ESRRG: variants seen among roughly 807,000 people sequenced by gnomAD.
ESRRG encodes estrogen related receptor gamma, also known as estrogen-related receptor gamma.
ESRRG carries 13 observed loss-of-function variants against 44.0 expected under a neutral mutation model. The observed-to-expected ratio is 0.30, with a 90% CI of 0.19 to 0.47. The LOEUF is 0.47. ESRRG is among the 20% of genes least tolerant of loss of function. The probability of loss-of-function intolerance (pLI) is 1.00; values close to 1 mark genes in which losing one functional copy is unlikely to be tolerated. For synonymous variants in ESRRG, 215 were observed against 214.6 expected (o/e 1.00, Z -0.02); for missense variants, 395 against 580.6 (o/e 0.68, Z 3.29).
intron 1 of ESRRG, among the ~76,000 whole-genome samples, chr1:216,703,021 C>T (rs879234926): frequency 6.6e-6 from 1 of 151,962 alleles, no homozygotes. Context: ...TGAATACAAA[C>T]CAATCAAGGC....
At chr1:216,679,385 C>T (rs1418827388) in intron 1 of ESRRG, among the ~76,000 whole-genome samples, 1 of 152,182 alleles carries the variant, frequency 6.6e-6, no homozygotes, top group Non-Finnish European at 1.5e-5. Flanking sequence ...TCGGCACTGA[C>T]TTACAGCAGC....
chr1:216,745,394 T>C (rs1576057793), intron 2 of ESRRG, among the ~76,000 whole-genome samples: 1 of 152,300 alleles, frequency 6.6e-6, no homozygotes, highest in Non-Finnish European at 1.5e-5. Context: ...TCTTGCTATG[T>C]TGCCCAGGCT....
chr1:216,941,265 T>G lies in ESRRG; in HGVS notation c.-105-1592A>C, dbSNP rs142056717. On this transcript the variant is annotated intron_variant, in intron 1 of 7. Coordinates refer to the ESRRG transcript ENST00000359162. Reference sequence around the variant, plus strand: ...GAAGACCTAATTTAGGTTGTTGCTTTTTTAAAAAGAAAGCACAGGACTCAG... The same window carrying G: ...GAAGACCTAATTTAGGTTGTTGCTTGTTTAAAAAGAAAGCACAGGACTCAG... 3.9e-4 allele frequency among the ~76,000 whole-genome samples: 60 copies of G among 152,252 alleles called. No homozygotes were observed. In the East Asian group the frequency reaches 0.011, roughly 27 times the overall value.
At chr1:216,533,496 T>C (rs191121468) in intron 5 of ESRRG, among the ~76,000 whole-genome samples, 5 of 152,168 alleles carry the variant, frequency 3.3e-5, no homozygotes, top group African/African-American at 1.2e-4. Flanking sequence ...ATTTAATGTG[T>C]AGAGATGAAC....
chr1:217,080,671 G>GTTTTTTTTTT (rs34598045), intron 1 of ESRRG, among the ~76,000 whole-genome samples: 3 of 65,244 alleles, frequency 4.6e-5, no homozygotes, highest in African/African-American at 1.9e-4. Context: ...TGTTTTTTTG[G>GTTTTTTTTTT]TTTTTTTTTT....
At chr1:216,647,609 A>G (rs1271776059) in intron 3 of ESRRG, among the ~76,000 whole-genome samples, 1 of 152,160 alleles carries the variant, frequency 6.6e-6, no homozygotes, top group East Asian at 1.9e-4. Flanking sequence ...ATGTGATGAA[A>G]CTGGAATTGT....
intron 2 of ESRRG, among the ~76,000 whole-genome samples, chr1:216,791,353 T>C (rs750576974): frequency 2.4e-4 from 36 of 152,072 alleles, no homozygotes; most frequent in Non-Finnish European, 4.0e-4. Context: ...CCCCTTTGCC[T>C]TCTGCCATGA....
At chr1:216,633,080 T>C (rs2064565515) in intron 3 of ESRRG, among the ~76,000 whole-genome samples, 1 of 152,174 alleles carries the variant, frequency 6.6e-6, no homozygotes. Flanking sequence ...CTGAAAGTCA[T>C]TGTCACCACC....
In ESRRG at chr1:216,622,782, T is replaced by C. The variant is rs150396226; in HGVS notation, c.589+28191A>G. Among the ~76,000 whole-genome samples the C allele has an allele frequency of 4.5e-4, 69 of 152,314 alleles. 3 individuals carry two copies. The East Asian group carries it at 0.012, about 26-fold the overall frequency. Reference sequence around the variant, plus strand: ...GTATCAACCACTCTGGTTACACATTTCTTTATCAAAATACTCTACATTAAT... The same window carrying C: ...GTATCAACCACTCTGGTTACACATTCCTTTATCAAAATACTCTACATTAAT... On this transcript the variant is annotated intron_variant, in intron 3 of 6. Coordinates refer to ENST00000408911, the MANE Select transcript of ESRRG (RefSeq NM_001438.4).
chr1:216,840,239 C>A (rs943838240), intron 2 of ESRRG, among the ~76,000 whole-genome samples: 22 of 152,202 alleles, frequency 1.4e-4, no homozygotes, highest in Non-Finnish European at 2.1e-4. Flanking sequence ...CCTGCTGCTT[C>A]ACCTTCCACT....
intron 2 of ESRRG, among the ~76,000 whole-genome samples, chr1:216,769,518 G>C (rs1365104803): frequency 6.6e-6 from 1 of 152,110 alleles, no homozygotes; most frequent in Non-Finnish European, 1.5e-5. Context: ...TACAGGTCTT[G>C]GTGAGCCATG....
At position 216,546,948 on chromosome 1, in the gene ESRRG, C is replaced by T. The variant is rs182458274; in HGVS notation, c.862+17271G>A. Among the ~76,000 whole-genome samples the T allele has an allele frequency of 1.9e-3, 292 of 151,996 alleles. 5 individuals carry two copies. The highest frequency in any genetic ancestry group is 0.016 in the Admixed American group (249 of 15,234). On this transcript the variant is annotated intron_variant, in intron 5 of 6. Transcript: ENST00000408911. Reference sequence around the variant, plus strand: ...TTAGGTATTTCTCCTAATGCTACCCCTCCCCTAGCCCCCCATCCCCTGACA... The same window carrying T: ...TTAGGTATTTCTCCTAATGCTACCCTTCCCCTAGCCCCCCATCCCCTGACA...
At chr1:216,804,467 CT>C (rs200225228) in intron 2 of ESRRG, among the ~76,000 whole-genome samples, 12 of 123,144 alleles carry the variant, frequency 9.7e-5, no homozygotes, top group African/African-American at 3.2e-4. Flanking sequence ...AATCTTGGTA[CT>C]TTTTAAAATT....
chr1:216,558,757 T>G lies in ESRRG; in HGVS notation c.862+5462A>C, dbSNP rs1213866800. Among the ~76,000 whole-genome samples the G allele has an allele frequency of 4.6e-5, 7 of 152,334 alleles. No individual in the cohort carries two copies. In the South Asian group the frequency reaches 1.2e-3, roughly 27 times the overall value. On this transcript the variant is annotated intron_variant, in intron 5 of 6. Coordinates refer to ENST00000408911, the MANE Select transcript of ESRRG (RefSeq NM_001438.4). The stretch of plus-strand genomic sequence containing the variant: ...TTTTCTGATTTTACTTTCAGAATCA[T>G]TCGACCCTTATTAATCACAACTACA...
chr1:216,742,275 T>TAGAGCCTTGA (rs2090847286), intron 2 of ESRRG, among the ~76,000 whole-genome samples: 1 of 152,146 alleles, frequency 6.6e-6, no homozygotes, highest in Non-Finnish European at 1.5e-5. Context: ...TAAAGTAGGT[T>TAGAGCCTTGA]AGAGCCTTGA....
intron 3 of ESRRG, among the ~76,000 whole-genome samples, chr1:216,604,571 G>C (rs1415428314): frequency 6.6e-6 from 1 of 152,154 alleles, no homozygotes; most frequent in Non-Finnish European, 1.5e-5. Flanking sequence ...AGAGCTGAGA[G>C]ACAATAGCTT....
At chr1:217,125,419 T>C (rs2092877243) in intron 1 of ESRRG, among the ~76,000 whole-genome samples, 1 of 152,202 alleles carries the variant, frequency 6.6e-6, no homozygotes, top group South Asian at 2.1e-4. Flanking sequence ...GTTGAATCCA[T>C]TGTTTCACAA....
At chr1:216,675,132 G>T (rs12727909) in intron 2 of ESRRG, among the ~76,000 whole-genome samples, 9 of 151,928 alleles carry the variant, frequency 5.9e-5, no homozygotes, top group Admixed American at 5.9e-4. Context: ...AGGCTGAGGC[G>T]GGTGGATCAC....
At chr1:216,598,195 T>C (rs920017295) in intron 3 of ESRRG, among the ~76,000 whole-genome samples, 14 of 152,126 alleles carry the variant, frequency 9.2e-5, no homozygotes, top group Non-Finnish European at 1.5e-4. Flanking sequence ...TTATAGGAAA[T>C]ATAGAACTGT....
Sources: gnomAD v4.1 joint callset for allele counts (sites outside exome capture counted in the v4.1 genomes callset) on GRCh38, gnomAD v4.1.1 for gene constraint, MANE v1.5 for transcripts, NCBI Gene and HGNC (gene_info 2026-07-23, HGNC 2026-07-21) for gene names.